Variants in LYPLAL1 observed in about 807,000 individuals in gnomAD.
LYPLAL1 encodes lysophospholipase-like protein 1.
In LYPLAL1, 23 loss-of-function variants were observed where a neutral mutation model predicts 19.7. That is an observed-to-expected ratio of 1.17 (90% CI 0.84 to 1.65). The LOEUF (loss-of-function observed/expected upper bound fraction) is 1.65. Among genes scored for constraint, LYPLAL1 ranks in the 40% most tolerant of loss-of-function variants. The pLI, the probability that LYPLAL1 is intolerant of heterozygous loss-of-function variation, is 0.00. For synonymous variants in LYPLAL1, 119 were observed against 96.3 expected (o/e 1.24, Z -1.38); for missense variants, 355 against 279.4 (o/e 1.27, Z -1.93).
At chr1:219,293,360 A>G in the LYPLAL1 span, among the ~76,000 whole-genome samples, 1 of 152,188 alleles carries the variant, frequency 6.6e-6, no homozygotes, top group African/African-American at 2.4e-5. Context: ...ATTATGTAAA[A>G]TATATTAGAA....
chr1:219,187,547 TAAC>T (rs2125050051), intron 2 of LYPLAL1, among the ~76,000 whole-genome samples: 1 of 151,878 alleles, frequency 6.6e-6, no homozygotes, highest in South Asian at 2.1e-4. Flanking sequence ...AAATAATTTT[TAAC>T]AAGCCATTTA....
the LYPLAL1 span, chr1:219,272,116 T>C: frequency 6.6e-6 from 1 of 152,404 alleles, no homozygotes; most frequent in East Asian, 1.9e-4. Flanking sequence ...TTAATAAGCA[T>C]TGCATACATC....
the LYPLAL1 span, among the ~76,000 whole-genome samples, chr1:219,395,471 TG>T: frequency 6.6e-6 from 1 of 152,170 alleles, no homozygotes; most frequent in Non-Finnish European, 1.5e-5. Flanking sequence ...TTAGTGGGGT[TG>T]TTTTTCTCTT....
the LYPLAL1 span, among the ~76,000 whole-genome samples, chr1:219,315,111 A>T: frequency 6.6e-6 from 1 of 152,160 alleles, no homozygotes; most frequent in Admixed American, 6.6e-5. Context: ...GAGAAATATA[A>T]TAGATATTTT....
the LYPLAL1 span, among the ~76,000 whole-genome samples, chr1:219,288,551 C>T: frequency 2.6e-5 from 4 of 152,152 alleles, no homozygotes; most frequent in African/African-American, 9.7e-5. Context: ...GCAGTGAAAA[C>T]ACTCTGTATA....
At chr1:219,307,999 C>T in the LYPLAL1 span, among the ~76,000 whole-genome samples, 3 of 152,242 alleles carry the variant, frequency 2.0e-5, no homozygotes, top group African/African-American at 4.8e-5. Flanking sequence ...TTTGGAACTT[C>T]CTAGAGACTT....
intron 1 of LYPLAL1, 53 bp from the exon 2 acceptor site, chr1:219,179,094 A>G (rs1464813260): frequency 3.9e-6 from 5 of 1,269,510 alleles, no homozygotes; most frequent in South Asian, 1.4e-5. Context: ...CTGCTTTGAA[A>G]TGCATTGTAT....
At chr1:219,443,891 C>T in the LYPLAL1 span, among the ~76,000 whole-genome samples, 5 of 152,204 alleles carry the variant, frequency 3.3e-5, no homozygotes, top group East Asian at 5.8e-4. Context: ...TGGAACCAGC[C>T]CCAGACAGGT....
the LYPLAL1 span, chr1:219,271,318 TGTGCTAATCCCCACAGCACAA>T: frequency 6.6e-6 from 1 of 151,920 alleles, no homozygotes; most frequent in African/African-American, 2.4e-5. Flanking sequence ...GGAGCTAGCT[TGTGCTAATCCCCACAGCACAA>T]GTGGGAATTA....
At chr1:219,314,131 A>G in the LYPLAL1 span, among the ~76,000 whole-genome samples, 1 of 152,186 alleles carries the variant, frequency 6.6e-6, no homozygotes, top group African/African-American at 2.4e-5. Context: ...CTCCAGCTCC[A>G]ACCATGTTGC....
the LYPLAL1 span, among the ~76,000 whole-genome samples, chr1:219,431,206 A>G: frequency 2.0e-4 from 31 of 152,278 alleles, no homozygotes; most frequent in African/African-American, 7.5e-4. Context: ...TGTGTGGGGA[A>G]GGGCTTTGAA....
At chr1:219,194,200 C>G (rs1572181496) in intron 3 of LYPLAL1, among the ~76,000 whole-genome samples, 1 of 151,868 alleles carries the variant, frequency 6.6e-6, no homozygotes, top group African/African-American at 2.4e-5. Flanking sequence ...TTAGTTTCCT[C>G]ATTATGTTTA....
chr1:219,388,481 C>A, the LYPLAL1 span, among the ~76,000 whole-genome samples: 2 of 152,074 alleles, frequency 1.3e-5, no homozygotes, highest in Non-Finnish European at 2.9e-5. Flanking sequence ...TCTAATATTC[C>A]TTATCCAATT....
the LYPLAL1 span, among the ~76,000 whole-genome samples, chr1:219,263,599 G>A: frequency 3.3e-5 from 5 of 152,114 alleles, no homozygotes; most frequent in South Asian, 8.3e-4. Context: ...CTTTCACCCT[G>A]TGATCCCTCC....
At chr1:219,252,231 G>A in the LYPLAL1 span, among the ~76,000 whole-genome samples, 10 of 151,922 alleles carry the variant, frequency 6.6e-5, no homozygotes, top group African/African-American at 2.4e-4. Context: ...CATCTGCAGA[G>A]ATAGTTTGAC....
chr1:219,433,986 T>C, the LYPLAL1 span, among the ~76,000 whole-genome samples: 1 of 152,178 alleles, frequency 6.6e-6, no homozygotes, highest in African/African-American at 2.4e-5. Context: ...AAGGGGATGA[T>C]TCATTAACAA....
the LYPLAL1 span, among the ~76,000 whole-genome samples, chr1:219,286,462 G>A: frequency 6.6e-6 from 1 of 152,136 alleles, no homozygotes; most frequent in South Asian, 2.1e-4. Context: ...CAGAGGGGAG[G>A]TCAGTCAAGG....
At chr1:219,293,121 T>C in the LYPLAL1 span, among the ~76,000 whole-genome samples, 1 of 152,062 alleles carries the variant, frequency 6.6e-6, no homozygotes, top group Non-Finnish European at 1.5e-5. Context: ...AGTCTCCGAG[T>C]TTACATCTGG....
intron 3 of LYPLAL1, among the ~76,000 whole-genome samples, chr1:219,197,448 C>T (rs1318369832): frequency 1.3e-5 from 2 of 152,120 alleles, no homozygotes; most frequent in African/African-American, 4.8e-5. Context: ...AAACTGGACC[C>T]CTTACTTACA....
Sources: allele counts gnomAD v4.1 joint callset (sites outside exome capture counted in the v4.1 genomes callset), GRCh38; gene constraint gnomAD v4.1.1; transcripts MANE v1.5; gene names NCBI Gene and HGNC (gene_info 2026-07-23, HGNC 2026-07-21).